The following STARD9 variants were observed in gnomAD, a reference collection of about 807,000 sequenced individuals.
The protein encoded by STARD9 is stAR-related lipid transfer protein 9.
In STARD9, 346 loss-of-function variants were observed where a neutral mutation model predicts 399.8. The ratio of observed to expected loss-of-function variants is 0.87; its 90% CI spans 0.79 to 0.95. The LOEUF (loss-of-function observed/expected upper bound fraction) is 0.95. Among genes scored for constraint, STARD9 ranks in the 40% least tolerant of loss-of-function variants. The pLI, the probability that STARD9 is intolerant of heterozygous loss-of-function variation, is 0.00. For synonymous variants in STARD9, 2,203 were observed against 2,143.5 expected, an observed-to-expected ratio of 1.03 and a Z score of -0.77; for missense variants, 5,832 against 5,667.5, an observed-to-expected ratio of 1.03 and a Z score of -0.93.
At chr15:42,587,451 G>A (rs2058299541) in intron 3 of STARD9, among the ~76,000 whole-genome samples, 1 of 152,228 alleles carries the variant, frequency 6.6e-6, no homozygotes, top group South Asian at 2.1e-4. Context: ...TTAATGCTCA[G>A]TACAAAAGAG....
chr15:42,621,224 T>C (rs900473163), intron 3 of STARD9, among the ~76,000 whole-genome samples: 3 of 152,192 alleles, frequency 2.0e-5, no homozygotes, highest in Admixed American at 6.6e-5. Flanking sequence ...ATAAATATTT[T>C]GTATTTAATA....
Position 42,685,343 on chromosome 15 carries a change from T to G in STARD9, c.3765T>G (p.Gly1255=). 6.5e-7 allele frequency: 1 copy of G among 1,537,248 alleles called. No homozygotes were observed. Among genetic ancestry groups the G allele is most frequent in the Non-Finnish European group, 8.7e-7 (1 of 1,146,932 alleles). Residue 1255 remains glycine, a synonymous_variant, in exon 23 of 33, where the codon GGT becomes GGG. Transcript: ENST00000290607. ...VMDQEAICRL[G]PINYRTAARL... ...ACCAAGAGGCAATATGCAGGCTTGGTCCCATCAACTACAGAACAGCAGCTA... is the reference window on the plus strand; with the variant it reads ...ACCAAGAGGCAATATGCAGGCTTGGGCCCATCAACTACAGAACAGCAGCTA...
chr15:42,719,328 A>G, intron 32 of STARD9, 145 bp from the exon 33 acceptor site: 1 of 612,874 alleles, frequency 1.6e-6, no homozygotes, highest in Non-Finnish European at 2.9e-6. Flanking sequence ...TCTGGATGGC[A>G]GAGCCCAGGG....
Position 42,591,066 on chromosome 15 carries a change from C to T in STARD9, c.234+5429C>T, listed in dbSNP as rs543662035. On this transcript the variant is annotated intron_variant, in intron 3 of 32. Transcript: ENST00000290607. The stretch of plus-strand genomic sequence containing the variant: ...CTAGGCCAGAGTTTGTTGACCTCAG[C>T]GCTGTTGACATTTTGACCATATAAT... Among the ~76,000 whole-genome samples, 25 of 152,274 alleles carry T rather than the reference C, an allele frequency of 1.6e-4. No individual in the cohort carries two copies. In the East Asian group the frequency reaches 3.1e-3, roughly 19 times the overall value.
In STARD9 at chr15:42,685,450, G is replaced by GT; in HGVS notation, c.3873dup (p.Glu1292Ter). On this transcript the variant is annotated frameshift_variant, in exon 23 of 33. Transcript: ENST00000290607. LOFTEE classifies it high-confidence loss of function. ...CCCCATTGTGAGCTCCAACCCCATT[G>GT]TGAGCTCCAACCCCATTGTGAGCTC... 1.3e-6 allele frequency: 2 copies of GT among 1,536,462 alleles called. No homozygotes were observed. The highest frequency in any genetic ancestry group is 1.7e-6 in the Non-Finnish European group (2 of 1,146,622).
At position 42,687,871 on chromosome 15, in the gene STARD9, C is replaced by T. The variant is rs2060599819; in HGVS notation, c.6293C>T (p.Ala2098Val). 6.5e-7 allele frequency: 1 copy of T among 1,537,098 alleles called. No homozygotes were observed. The highest frequency in any genetic ancestry group is 2.0e-5 in the Admixed American group (1 of 50,982). ...DQKEQEKTDH[A>V]FRPDSSGNPL... is the part of the protein sequence containing the mutation. ...AAGGAGCAGGAGAAGACTGACCATG[C>T]CTTTAGGCCAGACAGCTCTGGAAAC... Residue 2098 changes from alanine to valine, a missense_variant, in exon 23 of 33, where the codon GCC (alanine) becomes GTC (valine). Physicochemically the swap from Ala to Val is moderately conservative, Grantham distance 64. Transcript: ENST00000290607.
rs1184491680 is a variant in STARD9, at chr15:42,684,698, A to C, written c.3120A>C (p.Ala1040=). 2.6e-6 allele frequency: 4 copies of C among 1,537,120 alleles called. No homozygotes were observed. Among genetic ancestry groups the C allele is most frequent in the Non-Finnish European group, 3.5e-6 (4 of 1,146,928 alleles). Residue 1040 remains alanine (A), a synonymous_variant, in exon 23 of 33, where the codon GCA becomes GCC. Coordinates refer to ENST00000290607, the MANE Select transcript of STARD9 (RefSeq NM_020759.3). The stretch of plus-strand genomic sequence containing the variant: ...ACAAACCACCTTCTCCAAGCAGGGC[A>C]TCAAAAAGGCATCAGAGGGTTCTGG... ...TEYKPPSPSR[A]SKRHQRVLAT... is the part of the protein sequence containing the mutation.
Position 42,685,334 on chromosome 15 carries a change from C to T in STARD9, c.3756C>T (p.Cys1252=), listed in dbSNP as rs767655883. Residue 1252 remains cysteine (C), a synonymous_variant, in exon 23 of 33, where the codon TGC becomes TGT. Coordinates refer to ENST00000290607, the MANE Select transcript of STARD9 (RefSeq NM_020759.3). The part of the protein sequence containing the change: ...SLPVMDQEAI[C]RLGPINYRTA... Reference sequence around the variant, plus strand: ...CTGTAATGGACCAAGAGGCAATATGCAGGCTTGGTCCCATCAACTACAGAA... The same window carrying T: ...CTGTAATGGACCAAGAGGCAATATGTAGGCTTGGTCCCATCAACTACAGAA... 2.0e-6 allele frequency: 3 copies of T among 1,537,352 alleles called. No individual in the cohort carries two copies. In the South Asian group the frequency reaches 3.6e-5, roughly 18 times the overall value.
In STARD9 at chr15:42,684,808, C is replaced by T. The variant is rs555618924; in HGVS notation, c.3230C>T (p.Pro1077Leu). ...PLKRQQNTRDPDTMVPLTDFS... is the reference protein window; with the variant it reads ...PLKRQQNTRDLDTMVPLTDFS... ...AAGAGACAACAAAATACAAGGGACCCAGACACCATGGTCCCACTCACAGAT... is the reference window on the plus strand; with the variant it reads ...AAGAGACAACAAAATACAAGGGACCTAGACACCATGGTCCCACTCACAGAT... Residue 1077 changes from proline to leucine, a missense_variant, in exon 23 of 33, where the codon CCA becomes CTA. Around this residue, in one of 2 missense-constraint regions of STARD9, gnomAD observed 5,828 missense variants for 5,651.1 expected, o/e 1.03. Coordinates refer to ENST00000290607, the MANE Select transcript of STARD9 (RefSeq NM_020759.3). The T allele has an allele frequency of 3.3e-6, 5 of 1,537,176 alleles. No individual in the cohort carries two copies. In the African/African-American group the frequency reaches 6.8e-5, roughly 21 times the overall value.
chr15:42,625,959 TCG>T (rs1206103366), intron 3 of STARD9, among the ~76,000 whole-genome samples: 4 of 152,162 alleles, frequency 2.6e-5, no homozygotes, highest in African/African-American at 9.7e-5. Context: ...TCTAGTTCTG[TCG>T]CCCAGGCTGG....
intron 3 of STARD9, among the ~76,000 whole-genome samples, chr15:42,631,561 C>T (rs1302081813): frequency 6.6e-6 from 1 of 150,850 alleles, no homozygotes; most frequent in Non-Finnish European, 1.5e-5. Context: ...GTCTGGGTGA[C>T]AGAGCGAGAT....
chr15:42,601,013 C>T (rs1017159955), intron 3 of STARD9, among the ~76,000 whole-genome samples: 1 of 151,982 alleles, frequency 6.6e-6, no homozygotes, highest in Non-Finnish European at 1.5e-5. Context: ...AGAGCCCTGC[C>T]GCCTTCAGCA....
chr15:42,607,594 C>T (rs963283249), intron 3 of STARD9, among the ~76,000 whole-genome samples: 9 of 151,314 alleles, frequency 5.9e-5, no homozygotes, highest in Non-Finnish European at 1.2e-4. Flanking sequence ...AGAATAAATA[C>T]AGGACCTCCA....
rs1193628940 is a variant in STARD9 at position 42,686,212 on chromosome 15, A to G, written c.4634A>G (p.Asn1545Ser). ...AGGGTATCTAGCAATCTGAATCTCA[A>G]CAACTTTCCAGTCCATCTGTCCAGA... ...GPRVSSNLNLNNFPVHLSRIR... is the reference protein window; with the variant it reads ...GPRVSSNLNLSNFPVHLSRIR... Residue 1545 changes from asparagine to serine, a missense_variant, in exon 23 of 33, where the codon AAC becomes AGC. Transcript: ENST00000290607. 1.3e-6 allele frequency: 2 copies of G among 1,537,604 alleles called. No individual in the cohort carries two copies. The highest frequency in any genetic ancestry group is 1.7e-6 in the Non-Finnish European group (2 of 1,147,030).
intron 13 of STARD9, 69 bp downstream of exon 13, chr15:42,663,986 G>A (rs770410465): frequency 5.2e-5 from 57 of 1,088,466 alleles, no homozygotes; most frequent in African/African-American, 9.4e-5. Context: ...TTTTTCTCTC[G>A]TGATTTCTTT....
intron 25 of STARD9, among the ~76,000 whole-genome samples, 192 bp downstream of exon 25, chr15:42,695,515 G>T (rs879316363): frequency 6.6e-6 from 1 of 152,234 alleles, no homozygotes; most frequent in Non-Finnish European, 1.5e-5. Context: ...CCAGGCCACG[G>T]CCTGGGAGGA....
chr15:42,718,891 G>A lies in STARD9; in HGVS notation c.13982G>A (p.Arg4661Lys), dbSNP rs1244450079. ...ACTGTGGAAGGGAAGGAAGTCACCA[G>A]AGTCATCTACTTGGCCCAGGTGATA... is the stretch of plus-strand genomic sequence containing the variant. ...PITVEGKEVT[R>K]VIYLAQVELG... is the part of the protein sequence containing the mutation. Residue 4661 changes from arginine to lysine, a missense_variant, in exon 32 of 33, where the codon AGA becomes AAA. Arg to Lys is a conservative substitution (Grantham distance 26). Around this residue, in one of 2 missense-constraint regions of STARD9, gnomAD observed 5,828 missense variants for 5,651.1 expected, o/e 1.03. Transcript: ENST00000290607. 1.3e-6 allele frequency: 2 copies of A among 1,537,130 alleles called. No homozygotes were observed. Among genetic ancestry groups the A allele is most frequent in the East Asian group, 4.9e-5 (2 of 40,930 alleles).
At chr15:42,716,545 C>G (rs578192537) in intron 26 of STARD9, 132 bp from the exon 27 acceptor site, 4 of 641,444 alleles carry the variant, frequency 6.2e-6, no homozygotes, top group East Asian at 2.8e-5. Flanking sequence ...CATCGAGCCT[C>G]TTGTATTCCC....
chr15:42,714,819 G>A lies in STARD9; in HGVS notation c.13285-1858G>A, dbSNP rs116360099. Among the ~76,000 whole-genome samples, 1,037 of 150,266 alleles carry A rather than the reference G, an allele frequency of 6.9e-3. 15 individuals carry two copies. Among genetic ancestry groups the A allele is most frequent in the African/African-American group, 0.023 (965 of 41,084 alleles). On this transcript the variant is annotated intron_variant, in intron 26 of 32. Transcript: ENST00000290607. Reference sequence around the variant, plus strand: ...CATAAAGCATAAAGGATCCATTTTGGTATGTCTGTGAAATGGGTCTCTGAT... The same window carrying A: ...CATAAAGCATAAAGGATCCATTTTGATATGTCTGTGAAATGGGTCTCTGAT...
Sources: allele counts gnomAD v4.1 joint callset (sites outside exome capture counted in the v4.1 genomes callset), GRCh38; gene constraint gnomAD v4.1.1; regional missense constraint gnomAD v4.1.1; transcripts MANE v1.5; gene names NCBI Gene and HGNC (gene_info 2026-07-23, HGNC 2026-07-21).